The following RNF121 variants were observed in gnomAD, a reference collection of about 807,000 sequenced individuals.
RNF121 encodes the protein ring finger protein 121.
RNF121 carries 21 observed loss-of-function variants against 46.5 expected under a neutral mutation model. The observed-to-expected ratio is 0.45, with a 90% CI of 0.32 to 0.65. RNF121 has a LOEUF of 0.65. Among genes scored for constraint, RNF121 ranks in the 30% least tolerant of loss-of-function variants. The probability of loss-of-function intolerance (pLI) is 0.04; values close to 1 mark genes in which losing one functional copy is unlikely to be tolerated. For missense variants in RNF121, 346 were observed against 416.0 expected, an observed-to-expected ratio of 0.83 and a Z score of 1.46; for synonymous variants, 139 against 144.7, an observed-to-expected ratio of 0.96 and a Z score of 0.28.
chr11:71,991,262 A>G (rs907120393), intron 6 of RNF121, among the ~76,000 whole-genome samples: 2 of 152,108 alleles, frequency 1.3e-5, no homozygotes, highest in African/African-American at 4.8e-5. Context: ...CAGATCTCAG[A>G]TGTACCCTAT....
chr11:71,953,136 C>CA (rs1953921806), intron 1 of RNF121, among the ~76,000 whole-genome samples: 1 of 152,316 alleles, frequency 6.6e-6, no homozygotes, highest in African/African-American at 2.4e-5. Flanking sequence ...TGGGCTTAAG[C>CA]AGTCCTCCTG....
chr11:71,941,784 G>A (rs1953573660), intron 1 of RNF121, among the ~76,000 whole-genome samples: 2 of 152,112 alleles, frequency 1.3e-5, no homozygotes, highest in African/African-American at 4.8e-5. Context: ...GCATGTCCTG[G>A]GACCAAAAAG....
intron 3 of RNF121, among the ~76,000 whole-genome samples, chr11:71,968,318 G>C (rs1051711487): frequency 1.2e-4 from 18 of 151,998 alleles, no homozygotes; most frequent in African/African-American, 4.4e-4. Flanking sequence ...CCTCGGCCTC[G>C]CAAAGTGCTG....
At chr11:71,977,298 AAGGCACCTGATGCAC>A (rs1310136015) in intron 3 of RNF121, among the ~76,000 whole-genome samples, 2 of 152,320 alleles carry the variant, frequency 1.3e-5, no homozygotes, top group East Asian at 3.9e-4. Context: ...GTGGACTGGA[AAGGCACCTGATGCAC>A]AGGGAAAGAT....
At chr11:71,974,177 G>A (rs77294058) in intron 3 of RNF121, among the ~76,000 whole-genome samples, 6 of 152,202 alleles carry the variant, frequency 3.9e-5, no homozygotes, top group South Asian at 4.1e-4. Context: ...TCCTGACCTC[G>A]TGATCCACCC....
intron 1 of RNF121, among the ~76,000 whole-genome samples, chr11:71,951,495 C>T (rs1217580972): frequency 6.6e-6 from 1 of 151,876 alleles, no homozygotes; most frequent in Admixed American, 6.6e-5. Context: ...GTCTCAGCTA[C>T]TTGGGAGGTA....
intron 3 of RNF121, among the ~76,000 whole-genome samples, chr11:71,976,210 T>G (rs1232434525): frequency 1.3e-5 from 2 of 152,144 alleles, no homozygotes; most frequent in Non-Finnish European, 2.9e-5. Flanking sequence ...TCTTATGGCC[T>G]GCTGTCTTAT....
At chr11:71,950,193 G>A (rs1163909645) in intron 1 of RNF121, among the ~76,000 whole-genome samples, 1 of 152,150 alleles carries the variant, frequency 6.6e-6, no homozygotes, top group Admixed American at 6.5e-5. Context: ...AGAGTTTAGG[G>A]CCCTTTACAG....
intron 1 of RNF121, among the ~76,000 whole-genome samples, chr11:71,949,958 G>T (rs1262138617): frequency 6.6e-6 from 1 of 151,786 alleles, no homozygotes; most frequent in Non-Finnish European, 1.5e-5. Flanking sequence ...CCAAGATTGC[G>T]CCAGTGCACT....
At chr11:71,978,365 C>T in intron 3 of RNF121, 1 of 217,826 alleles carries the variant, frequency 4.6e-6, no homozygotes, top group Non-Finnish European at 9.7e-6. Context: ...GGCTTTCACT[C>T]CCTAATGGAG....
At chr11:71,986,313 A>G (rs1286500550) in intron 4 of RNF121, among the ~76,000 whole-genome samples, 2 of 152,206 alleles carry the variant, frequency 1.3e-5, no homozygotes, top group African/African-American at 4.8e-5. Flanking sequence ...CTGTTTCTGA[A>G]CAACTAGCCT....
At chr11:71,987,374 AAAGT>A (rs1954791353) in intron 5 of RNF121, among the ~76,000 whole-genome samples, 1 of 152,246 alleles carries the variant, frequency 6.6e-6, no homozygotes, top group Non-Finnish European at 1.5e-5. Flanking sequence ...TCTAGTAACC[AAAGT>A]AAGCATAATA....
chr11:71,970,638 G>A (rs1954402502), intron 3 of RNF121, among the ~76,000 whole-genome samples: 1 of 151,964 alleles, frequency 6.6e-6, no homozygotes, highest in African/African-American at 2.4e-5. Flanking sequence ...CTCCAGCCTG[G>A]GTGACAGAGT....
intron 3 of RNF121, among the ~76,000 whole-genome samples, chr11:71,974,065 C>T (rs1954478008): frequency 6.6e-6 from 1 of 152,060 alleles, no homozygotes; most frequent in Non-Finnish European, 1.5e-5. Context: ...CCTCAGCCTC[C>T]TGAGTAGCTG....
At position 71,966,384 on chromosome 11, in the gene RNF121, C is replaced by G. The variant is rs184248396; in HGVS notation, c.243+5493C>G. 8.4e-3 allele frequency among the ~76,000 whole-genome samples: 1,277 copies of G among 152,282 alleles called. 21 individuals are homozygous for G. The highest frequency in any genetic ancestry group is 0.029 in the African/African-American group (1,222 of 41,550). Reference sequence around the variant, plus strand: ...TTAAAAGTCAGATAGTTCTACAAGACTTCAGAAGCAAAACACATTGGTCCC... The same window carrying G: ...TTAAAAGTCAGATAGTTCTACAAGAGTTCAGAAGCAAAACACATTGGTCCC... On this transcript the variant is annotated intron_variant, in intron 3 of 8. Coordinates refer to ENST00000361756, the MANE Select transcript of RNF121 (RefSeq NM_018320.5).
intron 1 of RNF121, among the ~76,000 whole-genome samples, chr11:71,946,908 C>A (rs1028239229): frequency 7.0e-6 from 1 of 142,098 alleles, no homozygotes; most frequent in African/African-American, 2.6e-5. Flanking sequence ...CGCTCTGTCA[C>A]CCAGGCTGGA....
At chr11:71,972,019 G>A (rs919684465) in intron 3 of RNF121, among the ~76,000 whole-genome samples, 5 of 152,074 alleles carry the variant, frequency 3.3e-5, no homozygotes, top group Non-Finnish European at 7.4e-5. Context: ...AAAATGTGAC[G>A]GATGCATATC....
chr11:71,990,526 G>A, intron 5 of RNF121, 71 bp from the exon 6 acceptor site: 1 of 1,570,196 alleles, frequency 6.4e-7, no homozygotes, highest in Non-Finnish European at 8.6e-7. Flanking sequence ...TGCCTTGTGT[G>A]TCCCAGAGTA....
At chr11:71,953,836 G>T (rs1162082760) in intron 1 of RNF121, among the ~76,000 whole-genome samples, 2 of 152,132 alleles carry the variant, frequency 1.3e-5, no homozygotes, top group Admixed American at 1.3e-4. Context: ...CCTGTTTGTG[G>T]GGATACGTTA....
Sources: allele counts gnomAD v4.1 joint callset (sites outside exome capture counted in the v4.1 genomes callset), GRCh38; gene constraint gnomAD v4.1.1; transcripts MANE v1.5; gene names NCBI Gene and HGNC (gene_info 2026-07-23, HGNC 2026-07-21).